POU2F2: variants seen among roughly 807,000 people sequenced by gnomAD.
POU2F2 encodes POU class 2 homeobox 2.
A neutral mutation model predicts 63.5 loss-of-function variants in POU2F2; 14 were observed. The ratio of observed to expected loss-of-function variants is 0.22; its 90% CI spans 0.15 to 0.34. POU2F2 has a LOEUF of 0.34. Among genes scored for constraint, POU2F2 ranks in the 10% least tolerant of loss-of-function variants. The pLI is 1.00. For missense variants in POU2F2, 607 were observed against 815.2 expected (o/e 0.74, Z 3.11); for synonymous variants, 306 against 348.6 (o/e 0.88, Z 1.36).
At chr19:42,191,981 C>G (rs78432069) in intron 1 of POU2F2, among the ~76,000 whole-genome samples, 18,265 of 152,100 alleles carry the variant, frequency 0.12, 1,276 homozygotes, top group Middle Eastern at 0.18. Flanking sequence ...TTGTGTCAGG[C>G]GTAAACACAT....
chr19:42,173,412 AC>A (rs538031631), intron 1 of POU2F2, among the ~76,000 whole-genome samples: 40 of 152,186 alleles, frequency 2.6e-4, no homozygotes, highest in African/African-American at 8.2e-4. Context: ...GAAAAGCTCT[AC>A]CCAGTGGGGT....
intron 2 of POU2F2, among the ~76,000 whole-genome samples, chr19:42,144,968 C>T (rs1568412500): frequency 6.6e-6 from 1 of 152,214 alleles, no homozygotes; most frequent in East Asian, 1.9e-4. Flanking sequence ...AAGGTGTCAA[C>T]TTTAGAGTCA....
At chr19:42,098,177 C>T (rs1289257010) in intron 7 of POU2F2, among the ~76,000 whole-genome samples, 3 of 152,180 alleles carry the variant, frequency 2.0e-5, no homozygotes, top group Non-Finnish European at 4.4e-5. Context: ...CTTTAGGAGG[C>T]CGAGGCAGGT....
intron 5 of POU2F2, among the ~76,000 whole-genome samples, chr19:42,108,113 A>G (rs1436484744): frequency 6.6e-6 from 1 of 152,062 alleles, no homozygotes; most frequent in Non-Finnish European, 1.5e-5. Flanking sequence ...AACACTCTCT[A>G]TTACACTCTT....
At chr19:42,109,271 C>T (rs992751690) in intron 5 of POU2F2, among the ~76,000 whole-genome samples, 2 of 152,212 alleles carry the variant, frequency 1.3e-5, no homozygotes, top group African/African-American at 4.8e-5. Flanking sequence ...TGGCCTCTCG[C>T]GCCCCCATTA....
rs2034391550 is a variant in POU2F2 at position 42,153,309 on chromosome 19, TG to T, written c.-9+7022del. On this transcript the variant is annotated intron_variant, in intron 2 of 6. Coordinates refer to the POU2F2 transcript ENST00000524801. This position sits in a 1 kb window ranked among gnomAD's most constrained non-coding sequence, Gnocchi z 5.6. ...GTTCATGGATGTGTCCCAGGAGCACTGGGTGGCTGTGTATGCACTTCCATGA... is the reference window on the plus strand; with the variant it reads ...GTTCATGGATGTGTCCCAGGAGCACTGGTGGCTGTGTATGCACTTCCATGA... Among the ~76,000 whole-genome samples, 1 of 152,190 alleles carries T rather than the reference TG, an allele frequency of 6.6e-6. No individual in the cohort carries two copies. The highest frequency in any genetic ancestry group is 2.4e-5 in the African/African-American group (1 of 41,452).
intron 5 of POU2F2, among the ~76,000 whole-genome samples, chr19:42,104,798 C>T (rs182180747): frequency 6.6e-6 from 1 of 152,218 alleles, no homozygotes; most frequent in African/African-American, 2.4e-5. Context: ...CAGTGTCTCA[C>T]CCCCACCCAC....
At chr19:42,112,222 G>T (rs1213702551) in intron 5 of POU2F2, among the ~76,000 whole-genome samples, 1 of 152,114 alleles carries the variant, frequency 6.6e-6, no homozygotes, top group Non-Finnish European at 1.5e-5. Context: ...GGTACCCACT[G>T]CCCCTTCTTC....
chr19:42,122,323 G>A (rs777839698), intron 3 of POU2F2, 21 bp downstream of exon 3: 54 of 454,562 alleles, frequency 1.2e-4, no homozygotes, highest in South Asian at 9.2e-4. Flanking sequence ...ACCCCCTCCC[G>A]CTTATCCACT....
intron 1 of POU2F2, among the ~76,000 whole-genome samples, chr19:42,160,855 T>A (rs972290530): frequency 1.3e-5 from 2 of 152,118 alleles, no homozygotes; most frequent in African/African-American, 4.8e-5. Context: ...AGAAAGAAAT[T>A]TGAAAAGGTT....
intron 6 of POU2F2, 33 bp from the exon 7 acceptor site, chr19:42,099,651 G>A (rs111465973): frequency 1.2e-6 from 2 of 1,606,186 alleles, no homozygotes; most frequent in East Asian, 2.2e-5. Context: ...ACAGGGTGAG[G>A]GGGAGGGGAA....
At chr19:42,139,336 A>G (rs976002392) in intron 2 of POU2F2, among the ~76,000 whole-genome samples, 1 of 152,058 alleles carries the variant, frequency 6.6e-6, no homozygotes, top group South Asian at 2.1e-4. Flanking sequence ...AAACCAACAA[A>G]TAAAAGAAGA....
intron 5 of POU2F2, among the ~76,000 whole-genome samples, chr19:42,114,563 G>A (rs1281359468): frequency 6.6e-6 from 1 of 152,208 alleles, no homozygotes. Context: ...TGGAACACCT[G>A]CTGCTGGAGT....
intron 5 of POU2F2, among the ~76,000 whole-genome samples, chr19:42,109,098 T>C (rs1261153669): frequency 2.0e-5 from 3 of 152,162 alleles, no homozygotes; most frequent in African/African-American, 7.2e-5. Flanking sequence ...CATGGGTGAA[T>C]TGCCCACTTT....
At chr19:42,118,311 C>T (rs2032178991) in intron 4 of POU2F2, among the ~76,000 whole-genome samples, 1 of 152,136 alleles carries the variant, frequency 6.6e-6, no homozygotes, top group South Asian at 2.1e-4. Flanking sequence ...ACCTTGGAAC[C>T]TGGGCTACAA....
chr19:42,140,845 G>A (rs1343641374), intron 2 of POU2F2, among the ~76,000 whole-genome samples: 2 of 152,108 alleles, frequency 1.3e-5, no homozygotes, highest in Non-Finnish European at 2.9e-5. Flanking sequence ...AATCCTTCCA[G>A]GCACCCATGG....
intron 5 of POU2F2, among the ~76,000 whole-genome samples, chr19:42,102,742 A>G (rs1024414044): frequency 2.0e-5 from 3 of 152,230 alleles, no homozygotes; most frequent in South Asian, 2.1e-4. Flanking sequence ...ATGAAATCCT[A>G]TTTGCCAATA....
chr19:42,125,877 C>T (rs1330754732), intron 1 of POU2F2, among the ~76,000 whole-genome samples: 1 of 152,188 alleles, frequency 6.6e-6, no homozygotes, highest in Non-Finnish European at 1.5e-5. Context: ...TGCTTGACAG[C>T]AGGCTGTGCA....
At chr19:42,111,805 C>A (rs1207073047) in intron 5 of POU2F2, among the ~76,000 whole-genome samples, 1 of 151,928 alleles carries the variant, frequency 6.6e-6, no homozygotes, top group African/African-American at 2.4e-5. Context: ...TACTCTTATC[C>A]CCTGCAGTCC....
Sources: allele counts gnomAD v4.1 joint callset (sites outside exome capture counted in the v4.1 genomes callset), GRCh38; gene constraint gnomAD v4.1.1; non-coding constraint Gnocchi (gnomAD v3.1); transcripts MANE v1.5; gene names NCBI Gene and HGNC (gene_info 2026-07-23, HGNC 2026-07-21).